Variants in DOP1B observed in about 807,000 individuals in gnomAD.
DOP1B encodes protein DOP1B.
In DOP1B, 174 loss-of-function variants were observed where a neutral mutation model predicts 233.5. The observed-to-expected ratio is 0.75, with a 90% CI of 0.66 to 0.85. The LOEUF (loss-of-function observed/expected upper bound fraction) is 0.85. Among genes scored for constraint, DOP1B ranks in the 40% least tolerant of loss-of-function variants. The pLI is 0.00. For synonymous variants in DOP1B, 1,190 were observed against 1,185.6 expected (o/e 1.00, Z -0.08); for missense variants, 2,652 against 2,846.6 (o/e 0.93, Z 1.56).
intron 4 of DOP1B, among the ~76,000 whole-genome samples, chr21:36,207,138 G>GCATTA (rs2066435305): frequency 1.3e-5 from 2 of 151,730 alleles, no homozygotes; most frequent in Admixed American, 6.6e-5. Context: ...CATGGCCCAA[G>GCATTA]CATTAGGTCT....
intron 4 of DOP1B, among the ~76,000 whole-genome samples, chr21:36,204,973 G>C (rs545060286): frequency 2.0e-5 from 3 of 152,120 alleles, no homozygotes; most frequent in African/African-American, 7.2e-5. Flanking sequence ...TCTTTTGGTT[G>C]GTTTCAGGCA....
At chr21:36,218,342 G>A (rs958568436) in intron 9 of DOP1B, among the ~76,000 whole-genome samples, 9 of 152,054 alleles carry the variant, frequency 5.9e-5, no homozygotes, top group African/African-American at 2.2e-4. Flanking sequence ...GACCAACATG[G>A]CAAAACCCCA....
intron 15 of DOP1B, 121 bp downstream of exon 15, chr21:36,233,196 A>G: frequency 7.7e-7 from 1 of 1,291,226 alleles, no homozygotes; most frequent in East Asian, 2.5e-5. Flanking sequence ...TCTATAGGGC[A>G]CTGGGCAGAG....
chr21:36,253,432 C>T (rs530383066), intron 22 of DOP1B, among the ~76,000 whole-genome samples: 8 of 152,234 alleles, frequency 5.3e-5, no homozygotes, highest in East Asian at 1.9e-4. Flanking sequence ...TAAAACAGGC[C>T]GGGCGCGGTG....
chr21:36,245,560 AGC>A lies in DOP1B; in HGVS notation c.3582_3583del (p.Ser1194ArgfsTer62). 6.2e-7 allele frequency: 1 copy of A among 1,613,496 alleles called. No homozygotes were observed. Among genetic ancestry groups the A allele is most frequent in the Non-Finnish European group, 8.5e-7 (1 of 1,179,978 alleles). ...DKTQASESFS[S>X]DEEADLELQA... ...GACGCAGGCTTCTGAGTCGTTCTCC[AGC>A]GACGAGGAGGCGGACTTGGAGCTCC... On this transcript the variant is annotated frameshift_variant, in exon 19 of 37. Transcript: ENST00000691173. LOFTEE classifies it high-confidence loss of function. This position sits in a 1 kb window ranked among gnomAD's most constrained non-coding sequence, Gnocchi z 5.5.
At chr21:36,193,341 C>A (rs970241153) in intron 2 of DOP1B, among the ~76,000 whole-genome samples, 1 of 152,102 alleles carries the variant, frequency 6.6e-6, no homozygotes, top group Non-Finnish European at 1.5e-5. Flanking sequence ...TGACTGGATG[C>A]GGGCTGTGAT....
At chr21:36,220,796 T>C (rs1249081520) in intron 10 of DOP1B, among the ~76,000 whole-genome samples, 2 of 151,684 alleles carry the variant, frequency 1.3e-5, no homozygotes, top group Non-Finnish European at 2.9e-5. Flanking sequence ...TGAGCCGCCA[T>C]GCCTGGTACT....
At chr21:36,242,362 C>G (rs547837356) in intron 18 of DOP1B, among the ~76,000 whole-genome samples, 1 of 151,836 alleles carries the variant, frequency 6.6e-6, no homozygotes, top group Non-Finnish European at 1.5e-5. Context: ...TTAGTGGAGA[C>G]GGGGTTTCAC....
Position 36,230,708 on chromosome 21 carries a change from A to AT in DOP1B, c.1929dup (p.Gly644TrpfsTer32). Reference sequence around the variant, plus strand: ...AATCGCCAACTTTGCCAGCAAGAACATTTTTGGAGTACAGCTGACAGCGTC... The same window carrying AT: ...AATCGCCAACTTTGCCAGCAAGAACATTTTTTGGAGTACAGCTGACAGCGTC... On this transcript the variant is annotated frameshift_variant, in exon 14 of 37. Transcript: ENST00000691173. LOFTEE classifies it high-confidence loss of function. 1 of 1,614,194 alleles carries AT rather than the reference A, an allele frequency of 6.2e-7. No individual in the cohort carries two copies. Among genetic ancestry groups the AT allele is most frequent in the Non-Finnish European group, 8.5e-7 (1 of 1,180,044 alleles).
In DOP1B at chr21:36,224,465, C is replaced by T. The variant is rs192735647; in HGVS notation, c.1371-1100C>T. Among the ~76,000 whole-genome samples the T allele has an allele frequency of 2.6e-5, 4 of 151,990 alleles. No individual in the cohort carries two copies. In the East Asian group the frequency reaches 7.7e-4, roughly 29 times the overall value. The stretch of plus-strand genomic sequence containing the variant: ...AAATTGCTGGGATTACAGGCATGAG[C>T]CGCCGCATCTGGCCATCCTGGTTAT... On this transcript the variant is annotated intron_variant, in intron 11 of 36. Coordinates refer to ENST00000691173, the MANE Select transcript of DOP1B (RefSeq NM_001320714.2).
At chr21:36,176,306 T>A (rs1433029212) in intron 2 of DOP1B, among the ~76,000 whole-genome samples, 1 of 152,110 alleles carries the variant, frequency 6.6e-6, no homozygotes, top group Non-Finnish European at 1.5e-5. Context: ...GCCTTGGTGC[T>A]GCTGCCACAG....
At chr21:36,233,612 C>T (rs1012653119) in intron 15 of DOP1B, among the ~76,000 whole-genome samples, 19 of 152,276 alleles carry the variant, frequency 1.2e-4, no homozygotes, top group East Asian at 3.9e-4. Context: ...CTGCTTTGAC[C>T]GAAATGTCGT....
At chr21:36,279,237 C>T (rs192336945) in intron 30 of DOP1B, among the ~76,000 whole-genome samples, 304 of 151,904 alleles carry the variant, frequency 2.0e-3, no homozygotes, top group Middle Eastern at 6.8e-3. Context: ...AAAGTGAAAC[C>T]CCATCTCTAC....
At chr21:36,227,339 AG>A (rs2066700624) in intron 12 of DOP1B, among the ~76,000 whole-genome samples, 1 of 152,004 alleles carries the variant, frequency 6.6e-6, no homozygotes, top group Non-Finnish European at 1.5e-5. Flanking sequence ...CAAAGTCAGG[AG>A]ATCGAGACCA....
intron 29 of DOP1B, 43 bp downstream of exon 29, chr21:36,278,127 AAT>A: frequency 3.1e-6 from 5 of 1,613,386 alleles, no homozygotes; most frequent in Non-Finnish European, 4.2e-6. Context: ...TATGCAGAAA[AAT>A]ATGTTTTCAC....
At chr21:36,292,610 G>GTTT in intron 36 of DOP1B, among the ~76,000 whole-genome samples, 1 of 130,542 alleles carries the variant, frequency 7.7e-6, no homozygotes, top group Non-Finnish European at 1.6e-5. Flanking sequence ...TTTGTTTTTG[G>GTTT]GTTTTTTTTT....
intron 2 of DOP1B, among the ~76,000 whole-genome samples, chr21:36,196,124 T>C (rs1451652699): frequency 6.6e-6 from 1 of 152,256 alleles, no homozygotes; most frequent in Non-Finnish European, 1.5e-5. Context: ...TGGGAAGTAC[T>C]TAACATCTTT....
chr21:36,184,232 A>C (rs750564189), intron 2 of DOP1B, among the ~76,000 whole-genome samples: 7 of 152,082 alleles, frequency 4.6e-5, no homozygotes, highest in Non-Finnish European at 8.8e-5. Context: ...TATTTTTATT[A>C]GAGATGGGAT....
rs780389528 is a variant in DOP1B, at chr21:36,292,145, C to A, written c.6557C>A (p.Pro2186His). 1.9e-6 allele frequency: 3 copies of A among 1,611,918 alleles called. No individual in the cohort carries two copies. The South Asian group carries it at 3.3e-5, about 18-fold the overall frequency. The change falls in exon 36 of 37, where the codon CCT becomes CAT. Residue 2186 changes from proline (P) to histidine (H), a missense_variant. Physicochemically the swap from Pro to His is moderately conservative, Grantham distance 77 (BLOSUM62 -2). Coordinates refer to ENST00000691173, the MANE Select transcript of DOP1B (RefSeq NM_001320714.2). ...AFIPEVDTEG[P>H]AFLSDVEENH... ...ATTCCAGAAGTGGACACAGAGGGCC[C>A]TGCCTTCCTGTCGGATGTAGAGGAG...
Sources: gnomAD v4.1 joint callset for allele counts (sites outside exome capture counted in the v4.1 genomes callset) on GRCh38, gnomAD v4.1.1 for gene constraint, Gnocchi (gnomAD v3.1) non-coding constraint, MANE v1.5 for transcripts, NCBI Gene and HGNC (gene_info 2026-07-23, HGNC 2026-07-21) for gene names.